The following INPP4B variants were observed in gnomAD, a reference collection of about 807,000 sequenced individuals.
The protein encoded by INPP4B is inositol polyphosphate 4-phosphatase type II.
A neutral mutation model predicts 122.5 loss-of-function variants in INPP4B; 55 were observed. That is an observed-to-expected ratio of 0.45 (90% CI 0.36 to 0.56). The LOEUF is 0.56. INPP4B is among the 20% of genes least tolerant of loss of function. The pLI, the probability that INPP4B is intolerant of heterozygous loss-of-function variation, is 0.00. For synonymous variants in INPP4B, 403 were observed against 388.7 expected (o/e 1.04, Z -0.43); for missense variants, 1,000 against 1,097.7 (o/e 0.91, Z 1.26).
intron 7 of INPP4B, among the ~76,000 whole-genome samples, chr4:142,332,356 G>A (rs1002705395): frequency 6.6e-6 from 1 of 152,062 alleles, no homozygotes; most frequent in African/African-American, 2.4e-5. Context: ...TACAGATTTT[G>A]TAATAATAAT....
intron 3 of INPP4B, among the ~76,000 whole-genome samples, chr4:142,449,825 AGG>A (rs1813759901): frequency 6.6e-6 from 1 of 152,206 alleles, no homozygotes; most frequent in Non-Finnish European, 1.5e-5. Flanking sequence ...AGAGATGAAT[AGG>A]GAATTCTGCC....
At chr4:142,506,994 G>C (rs1824109949) in intron 2 of INPP4B, among the ~76,000 whole-genome samples, 1 of 152,154 alleles carries the variant, frequency 6.6e-6, no homozygotes. Flanking sequence ...TCTCCCATCT[G>C]CTGTGGCTGA....
At chr4:142,776,661 G>T (rs1343511950) in intron 1 of INPP4B, among the ~76,000 whole-genome samples, 1 of 152,060 alleles carries the variant, frequency 6.6e-6, no homozygotes, top group Admixed American at 6.6e-5. Context: ...AGTCTCCAAG[G>T]TTTGAATGAT....
chr4:142,467,844 T>A (rs1187262023), intron 2 of INPP4B: 1 of 152,174 alleles, frequency 6.6e-6, no homozygotes, highest in African/African-American at 2.4e-5. Context: ...CCGTCATGAA[T>A]GGCTTAGCAC....
chr4:142,753,656 G>A (rs1265205678), intron 1 of INPP4B, among the ~76,000 whole-genome samples: 5 of 151,910 alleles, frequency 3.3e-5, no homozygotes, highest in African/African-American at 1.2e-4. Flanking sequence ...TTTACTTTAA[G>A]GATTAATTTT....
At chr4:142,190,044 G>A (rs755539966) in intron 15 of INPP4B, among the ~76,000 whole-genome samples, 12 of 152,034 alleles carry the variant, frequency 7.9e-5, no homozygotes, top group Non-Finnish European at 1.2e-4. Context: ...AGATCATCAA[G>A]GGACATAAAT....
chr4:142,563,504 G>T (rs1203130075), intron 2 of INPP4B, among the ~76,000 whole-genome samples: 1 of 152,126 alleles, frequency 6.6e-6, no homozygotes, highest in Non-Finnish European at 1.5e-5. Flanking sequence ...AGCAGTGATA[G>T]AAATAGAAAA....
intron 9 of INPP4B, among the ~76,000 whole-genome samples, chr4:142,304,343 A>G (rs1348682967): frequency 1.3e-5 from 2 of 152,140 alleles, no homozygotes; most frequent in Admixed American, 1.3e-4. Flanking sequence ...GTTTTCCCAT[A>G]CAAAATATAA....
intron 2 of INPP4B, among the ~76,000 whole-genome samples, chr4:142,712,672 G>A (rs1339552774): frequency 6.6e-6 from 1 of 152,072 alleles, no homozygotes; most frequent in East Asian, 1.9e-4. Context: ...CACTACTATA[G>A]CATTTTAAAG....
At chr4:142,301,904 A>T (rs1037309717) in intron 9 of INPP4B, among the ~76,000 whole-genome samples, 10 of 151,964 alleles carry the variant, frequency 6.6e-5, no homozygotes, top group Non-Finnish European at 1.5e-4. Context: ...GATCAATATA[A>T]TTTTTTTTCC....
intron 7 of INPP4B, among the ~76,000 whole-genome samples, chr4:142,363,238 A>G (rs1786134413): frequency 6.6e-6 from 1 of 151,984 alleles, no homozygotes; most frequent in African/African-American, 2.4e-5. Flanking sequence ...AAAAATTGCA[A>G]TGAATAGCCT....
At chr4:142,055,904 A>AATT (rs1033808425) in intron 25 of INPP4B, among the ~76,000 whole-genome samples, 1 of 151,900 alleles carries the variant, frequency 6.6e-6, no homozygotes, top group African/African-American at 2.4e-5. Context: ...ATAATAAAAT[A>AATT]ATTATACAAC....
chr4:142,614,404 A>G (rs532779125), intron 2 of INPP4B, among the ~76,000 whole-genome samples: 11 of 152,312 alleles, frequency 7.2e-5, no homozygotes, highest in South Asian at 6.2e-4. Context: ...AAGATAGATT[A>G]AAAACCTAAA....
At chr4:142,717,224 T>C (rs1239992135) in intron 2 of INPP4B, among the ~76,000 whole-genome samples, 1 of 152,224 alleles carries the variant, frequency 6.6e-6, no homozygotes, top group African/African-American at 2.4e-5. Flanking sequence ...ATTTTGAGAC[T>C]AAATTTTATG....
chr4:142,562,104 A>G (rs937421864), intron 2 of INPP4B, among the ~76,000 whole-genome samples: 3 of 152,202 alleles, frequency 2.0e-5, no homozygotes, highest in Admixed American at 6.5e-5. Context: ...AGGTTTTAAC[A>G]TAGAGGAAAG....
intron 2 of INPP4B, among the ~76,000 whole-genome samples, chr4:142,486,645 C>T (rs181361764): frequency 3.4e-4 from 51 of 152,120 alleles, no homozygotes; most frequent in East Asian, 5.8e-4. Context: ...TTTCCACTTA[C>T]GGTTTGTGCT....
chr4:142,341,788 C>T (rs1184376230), intron 7 of INPP4B, among the ~76,000 whole-genome samples: 1 of 139,424 alleles, frequency 7.2e-6, no homozygotes, highest in Non-Finnish European at 1.7e-5. Context: ...GGTCATATGG[C>T]AAGAAATTGC....
chr4:142,142,517 T>C (rs1370665839), intron 18 of INPP4B, among the ~76,000 whole-genome samples: 1 of 152,026 alleles, frequency 6.6e-6, no homozygotes, highest in African/African-American at 2.4e-5. Context: ...AACCTGGAGC[T>C]GGGGTAGGGA....
chr4:142,047,369 C>T (rs532851928), intron 25 of INPP4B, among the ~76,000 whole-genome samples: 4 of 152,102 alleles, frequency 2.6e-5, no homozygotes, highest in African/African-American at 4.8e-5. Context: ...GAATAAGACA[C>T]GAAGACACAG....
Sources: gnomAD v4.1 joint callset for allele counts (sites outside exome capture counted in the v4.1 genomes callset) on GRCh38, gnomAD v4.1.1 for gene constraint, MANE v1.5 for transcripts, NCBI Gene and HGNC (gene_info 2026-07-23, HGNC 2026-07-21) for gene names.